POU6F2: variants seen among roughly 807,000 people sequenced by gnomAD.
The protein encoded by POU6F2 is POU class 6 homeobox 2.
In POU6F2, 31 loss-of-function variants were observed where a neutral mutation model predicts 71.3. That is an observed-to-expected ratio of 0.43 (90% confidence interval 0.33 to 0.59). The LOEUF is 0.59. Among genes scored for constraint, POU6F2 ranks in the 20% least tolerant of loss-of-function variants. POU6F2 has a pLI of 0.04. For synonymous variants in POU6F2, 347 were observed against 355.7 expected (o/e 0.98, Z 0.27); for missense variants, 783 against 856.8 (o/e 0.91, Z 1.07).
rs186344547 is a variant in POU6F2 at position 39,006,920 on chromosome 7, A to G, written c.105+28862A>G. ...ACCAATAGGAAATTTCCACAAATTT[A>G]TAATCTGTGAGTTTATTGTATAAAA... On this transcript the variant is annotated intron_variant, in intron 1 of 9. Coordinates refer to ENST00000518318, the MANE Select transcript of POU6F2 (RefSeq NM_001370959.1). The G allele has an allele frequency of 6.0e-5, 92 of 1,540,878 alleles. No homozygotes were observed. The African/African-American group carries it at 1.1e-3, about 19-fold the overall frequency.
chr7:39,078,914 T>C (rs1431240854), intron 1 of POU6F2, among the ~76,000 whole-genome samples: 1 of 151,974 alleles, frequency 6.6e-6, no homozygotes, highest in Non-Finnish European at 1.5e-5. Context: ...CAAGACTCCT[T>C]CTCAAAAAAT....
At chr7:39,189,343 A>C (rs1247500003) in intron 2 of POU6F2, among the ~76,000 whole-genome samples, 1 of 150,712 alleles carries the variant, frequency 6.6e-6, no homozygotes, top group Non-Finnish European at 1.5e-5. Context: ...TTCTTTTATC[A>C]AATAGTTTGT....
chr7:39,136,689 G>A (rs1035120461), intron 2 of POU6F2, among the ~76,000 whole-genome samples: 1 of 152,036 alleles, frequency 6.6e-6, no homozygotes, highest in African/African-American at 2.4e-5. Flanking sequence ...CCATAGTGCA[G>A]ATCAGCTATT....
chr7:39,004,641 C>A (rs1584492043), intron 1 of POU6F2, among the ~76,000 whole-genome samples: 1 of 152,104 alleles, frequency 6.6e-6, no homozygotes, highest in African/African-American at 2.4e-5. Context: ...GCACTTCATC[C>A]CACAGTTTAA....
Position 39,374,324 on chromosome 7 carries a change from G to A in POU6F2, c.973-32276G>A, listed in dbSNP as rs146369723. ...AAGCAATCTGTGTACCTAACCACCT[G>A]CACTGGACCTGTACAGTATAGCTTC... On this transcript the variant is annotated intron_variant, in intron 5 of 9. Transcript: ENST00000518318. Among the ~76,000 whole-genome samples, 701 of 152,300 alleles carry A rather than the reference G, an allele frequency of 4.6e-3. 3 individuals carry two copies. Among genetic ancestry groups the A allele is most frequent in the African/African-American group, 0.016 (663 of 41,550 alleles).
At chr7:39,332,173 G>A (rs1471148472) in intron 4 of POU6F2, among the ~76,000 whole-genome samples, 5 of 152,116 alleles carry the variant, frequency 3.3e-5, no homozygotes, top group South Asian at 4.1e-4. Context: ...GATTTTTCCT[G>A]AATTTTCTTG....
chr7:39,166,282 T>A (rs1243852374), intron 2 of POU6F2, among the ~76,000 whole-genome samples: 2 of 152,202 alleles, frequency 1.3e-5, no homozygotes, highest in African/African-American at 4.8e-5. Context: ...GTTCCACAAT[T>A]AAAAATAACT....
At chr7:39,207,308 C>G in intron 3 of POU6F2, 84 bp from the exon 4 acceptor site, 2 of 1,310,048 alleles carry the variant, frequency 1.5e-6, no homozygotes, top group Non-Finnish European at 2.1e-6. Context: ...CTTTCTGACC[C>G]TACTTAAGTG....
intron 1 of POU6F2, among the ~76,000 whole-genome samples, chr7:39,014,817 T>A (rs1209343746): frequency 6.6e-6 from 1 of 152,172 alleles, no homozygotes; most frequent in Non-Finnish European, 1.5e-5. Flanking sequence ...TTTTCACAGT[T>A]GACTATACAA....
chr7:39,021,867 C>T (rs1283423298), intron 1 of POU6F2, among the ~76,000 whole-genome samples: 1 of 152,022 alleles, frequency 6.6e-6, no homozygotes, highest in Admixed American at 6.6e-5. Flanking sequence ...AAACTCTTGT[C>T]TTTTGTATTG....
In POU6F2 at chr7:39,460,617, T is replaced by C; in HGVS notation, c.1560T>C (p.Phe520=). 6.2e-7 allele frequency: 1 copy of C among 1,612,042 alleles called. No individual in the cohort carries two copies. Among genetic ancestry groups the C allele is most frequent in the Non-Finnish European group, 8.5e-7 (1 of 1,179,070 alleles). The change falls in exon 9 of 10, where the codon TTT becomes TTC. Residue 520 remains phenylalanine (F), a synonymous_variant. Coordinates refer to ENST00000518318, the MANE Select transcript of POU6F2 (RefSeq NM_001370959.1). This position sits in a 1 kb window ranked among gnomAD's most constrained non-coding sequence, Gnocchi z 4.4. ...AGATCCGAGAATTTGCCAAAGCTTT[T>C]AAAATCCGGCGCCTGTCCCTTGGCC... ...LEEIREFAKA[F]KIRRLSLGLT... is the part of the protein sequence containing the mutation.
At chr7:39,080,538 A>G (rs1368002061) in intron 1 of POU6F2, among the ~76,000 whole-genome samples, 1 of 152,144 alleles carries the variant, frequency 6.6e-6, no homozygotes, top group Non-Finnish European at 1.5e-5. Context: ...TTTTTTCTTT[A>G]TAATGAATGC....
At chr7:39,082,167 C>T (rs1335705085) in intron 1 of POU6F2, among the ~76,000 whole-genome samples, 4 of 152,168 alleles carry the variant, frequency 2.6e-5, no homozygotes, top group Non-Finnish European at 5.9e-5. Context: ...CTTTGTAGGA[C>T]ACGGTGAAAA....
chr7:39,052,845 A>C (rs889937661), intron 1 of POU6F2, among the ~76,000 whole-genome samples: 1 of 152,146 alleles, frequency 6.6e-6, no homozygotes, highest in African/African-American at 2.4e-5. Context: ...TGTGTGCCAG[A>C]ACCACACTGG....
At chr7:39,376,601 G>A (rs1228242250) in intron 5 of POU6F2, among the ~76,000 whole-genome samples, 1 of 152,178 alleles carries the variant, frequency 6.6e-6, no homozygotes, top group African/African-American at 2.4e-5. Flanking sequence ...GTAAGACCCA[G>A]AGTATTTGAG....
intron 4 of POU6F2, among the ~76,000 whole-genome samples, chr7:39,284,642 G>A (rs1232477572): frequency 6.6e-6 from 1 of 152,230 alleles, no homozygotes; most frequent in Middle Eastern, 3.4e-3. Context: ...ATATCCTTTG[G>A]AGAAATACAC....
At chr7:39,300,434 G>T (rs926449304) in intron 4 of POU6F2, among the ~76,000 whole-genome samples, 2 of 152,152 alleles carry the variant, frequency 1.3e-5, no homozygotes, top group African/African-American at 2.4e-5. Context: ...CAGTCCTCAC[G>T]GCAAGTGACG....
At position 39,408,770 on chromosome 7, in the gene POU6F2, C is replaced by T. The variant is rs567680111; in HGVS notation, c.1113+2030C>T. On this transcript the variant is annotated intron_variant, in intron 6 of 9. Coordinates refer to ENST00000518318, the MANE Select transcript of POU6F2 (RefSeq NM_001370959.1). ...CAGAAACAGTTCAAGAGTTAAAATA[C>T]TCAAACTTCCAGTGGATAATTGGCC... Among the ~76,000 whole-genome samples, 4 of 152,308 alleles carry T rather than the reference C, an allele frequency of 2.6e-5. No individual in the cohort carries two copies. In the East Asian group the frequency reaches 7.7e-4, roughly 29 times the overall value.
chr7:39,422,247 G>A (rs536823786), intron 6 of POU6F2, among the ~76,000 whole-genome samples: 15 of 152,114 alleles, frequency 9.9e-5, no homozygotes, highest in Non-Finnish European at 2.1e-4. Flanking sequence ...TAATCAAAAC[G>A]TAAAACCACT....
Sources: allele counts gnomAD v4.1 joint callset (sites outside exome capture counted in the v4.1 genomes callset), GRCh38; gene constraint gnomAD v4.1.1; non-coding constraint Gnocchi (gnomAD v3.1); transcripts MANE v1.5; gene names NCBI Gene and HGNC (gene_info 2026-07-23, HGNC 2026-07-21).